Variants in PRKCB observed in about 807,000 individuals in gnomAD.
PRKCB encodes protein kinase C beta type.
In PRKCB, 13 loss-of-function variants were observed where a neutral mutation model predicts 81.5. That is an observed-to-expected ratio of 0.16 (90% CI 0.10 to 0.25). The LOEUF (loss-of-function observed/expected upper bound fraction) is 0.25. Ranked by LOEUF, PRKCB falls within the 10% of genes least tolerant of loss-of-function variation. PRKCB has a pLI of 1.00. For synonymous variants in PRKCB, 335 were observed against 321.4 expected (o/e 1.04, Z -0.45); for missense variants, 509 against 875.7 (o/e 0.58, Z 5.29).
Position 23,919,435 on chromosome 16 carries a change from G to A in PRKCB, c.206-69073G>A, listed in dbSNP as rs764024226. 4.0e-5 allele frequency among the ~76,000 whole-genome samples: 6 copies of A among 149,648 alleles called. No homozygotes were observed. In the South Asian group the frequency reaches 6.3e-4, roughly 16 times the overall value. ...TTTCCTGGAGTCTGACAAAAATACC[G>A]GATAGGGTTCCTGAATATATTTTCA... is the stretch of plus-strand genomic sequence containing the variant. On this transcript the variant is annotated intron_variant, in intron 2 of 16. Transcript: ENST00000643927.
intron 5 of PRKCB, among the ~76,000 whole-genome samples, chr16:24,081,508 A>C (rs920158363): frequency 1.3e-5 from 2 of 152,190 alleles, no homozygotes; most frequent in Non-Finnish European, 2.9e-5. Context: ...AAACAAAACT[A>C]AAATGTTCAT....
At chr16:24,063,610 C>A (rs1439006065) in intron 5 of PRKCB, among the ~76,000 whole-genome samples, 1 of 152,134 alleles carries the variant, frequency 6.6e-6, no homozygotes, top group Admixed American at 6.6e-5. Flanking sequence ...TGTACTTTCA[C>A]TGGGTTCCAT....
At chr16:23,855,577 C>T (rs1962551169) in intron 2 of PRKCB, among the ~76,000 whole-genome samples, 1 of 152,320 alleles carries the variant, frequency 6.6e-6, no homozygotes, top group Admixed American at 6.5e-5. Context: ...TTTAGTTCTT[C>T]TGCAACTCTG....
At chr16:23,897,817 C>T (rs2141121310) in intron 2 of PRKCB, among the ~76,000 whole-genome samples, 1 of 152,166 alleles carries the variant, frequency 6.6e-6, no homozygotes, top group South Asian at 2.1e-4. Context: ...TTTCTCTTTC[C>T]CTCTCTCCCA....
intron 5 of PRKCB, among the ~76,000 whole-genome samples, chr16:24,063,685 G>A (rs941029749): frequency 1.3e-5 from 2 of 152,158 alleles, no homozygotes; most frequent in African/African-American, 4.8e-5. Flanking sequence ...GTATCATGAT[G>A]ATAGAGGAGT....
intron 2 of PRKCB, among the ~76,000 whole-genome samples, chr16:23,986,821 C>G (rs1236658008): frequency 6.6e-6 from 1 of 152,092 alleles, no homozygotes; most frequent in Non-Finnish European, 1.5e-5. Context: ...ATGCATCACC[C>G]AGTTCAATAA....
intron 9 of PRKCB, among the ~76,000 whole-genome samples, chr16:24,128,967 C>T (rs896207088): frequency 7.2e-5 from 11 of 152,002 alleles, no homozygotes; most frequent in African/African-American, 2.2e-4. Context: ...AGATTTGTAC[C>T]GTCCGGATTG....
chr16:24,038,090 G>A (rs919572659), intron 5 of PRKCB, among the ~76,000 whole-genome samples: 1 of 152,186 alleles, frequency 6.6e-6, no homozygotes, highest in Non-Finnish European at 1.5e-5. Flanking sequence ...GCTGAGGCAG[G>A]AGGATCACTT....
At chr16:24,151,589 C>T in intron 9 of PRKCB, 1 of 339,620 alleles carries the variant, frequency 2.9e-6, no homozygotes, top group Admixed American at 3.8e-5. Flanking sequence ...AATGGAACCT[C>T]CAGATTAGAG....
At chr16:24,015,504 T>C (rs1045920492) in intron 3 of PRKCB, among the ~76,000 whole-genome samples, 1 of 152,132 alleles carries the variant, frequency 6.6e-6, no homozygotes, top group Non-Finnish European at 1.5e-5. Flanking sequence ...GGAGGTGGGG[T>C]GGTGTCAGCC....
At chr16:23,961,508 TC>T (rs1311373359) in intron 2 of PRKCB, among the ~76,000 whole-genome samples, 1 of 152,218 alleles carries the variant, frequency 6.6e-6, no homozygotes, top group Non-Finnish European at 1.5e-5. Context: ...ATCAATGGTA[TC>T]TTAACTACAT....
chr16:24,156,282 C>T (rs1967154579), intron 10 of PRKCB, among the ~76,000 whole-genome samples: 1 of 148,592 alleles, frequency 6.7e-6, no homozygotes, highest in Non-Finnish European at 1.5e-5. Flanking sequence ...CTAAAGTTGG[C>T]TTTTTTTTTT....
Position 23,912,840 on chromosome 16 carries a change from T to TTTATTTATTTATTTATTTATTTA in PRKCB, c.205+75436_205+75437insATTTATTTATTTATTTATTTATT, listed in dbSNP as rs59682849. On this transcript the variant is annotated intron_variant, in intron 2 of 16. Transcript: ENST00000643927. ...TATTTATTTATTTATTTATTTATTTTTTGATATGGAGTCATGCTCTGTTGC... is the reference window on the plus strand; with the variant it reads ...TATTTATTTATTTATTTATTTATTTTTTATTTATTTATTTATTTATTTATTGATATGGAGTCATGCTCTGTTGC... Among the ~76,000 whole-genome samples, 22 of 148,134 alleles carry TTTATTTATTTATTTATTTATTTA rather than the reference T, an allele frequency of 1.5e-4. 1 individual carries two copies. The highest frequency in any genetic ancestry group is 8.7e-4 in the South Asian group (4 of 4,598).
chr16:24,113,204 CTTT>C, intron 8 of PRKCB, 135 bp downstream of exon 8: 1 of 580,188 alleles, frequency 1.7e-6, no homozygotes, highest in Non-Finnish European at 2.8e-6. Flanking sequence ...CTTCCTCTCT[CTTT>C]TCTTTCCTTC....
chr16:23,861,585 C>T (rs1962665211), intron 2 of PRKCB, among the ~76,000 whole-genome samples: 1 of 152,180 alleles, frequency 6.6e-6, no homozygotes, highest in Admixed American at 6.5e-5. Context: ...ATTTGCTCTG[C>T]CATCCTCAAA....
intron 2 of PRKCB, among the ~76,000 whole-genome samples, chr16:23,927,342 AG>A (rs1963911211): frequency 6.6e-6 from 1 of 152,086 alleles, no homozygotes; most frequent in South Asian, 2.1e-4. Context: ...GCTGGAATGA[AG>A]GGCATGTTTG....
chr16:24,164,271 C>G (rs1967308271), intron 10 of PRKCB, among the ~76,000 whole-genome samples: 1 of 152,176 alleles, frequency 6.6e-6, no homozygotes, highest in Admixed American at 6.5e-5. Context: ...CACCTCCCAC[C>G]TAGTCATCAT....
chr16:23,972,021 TA>T (rs573175341), intron 2 of PRKCB, among the ~76,000 whole-genome samples: 3 of 152,186 alleles, frequency 2.0e-5, no homozygotes, highest in South Asian at 2.1e-4. Context: ...CAGATACTGT[TA>T]AAAAAACCCC....
At chr16:24,095,675 T>C (rs2141902794) in intron 7 of PRKCB, among the ~76,000 whole-genome samples, 1 of 152,086 alleles carries the variant, frequency 6.6e-6, no homozygotes, top group Middle Eastern at 3.4e-3. Flanking sequence ...ACAAAGGCAG[T>C]TTAGTTTTGG....
Sources: allele counts gnomAD v4.1 joint callset (sites outside exome capture counted in the v4.1 genomes callset), GRCh38; gene constraint gnomAD v4.1.1; transcripts MANE v1.5; gene names NCBI Gene and HGNC (gene_info 2026-07-23, HGNC 2026-07-21).